The following TGFBI variants were observed in gnomAD, a reference collection of about 807,000 sequenced individuals.
The protein encoded by TGFBI is transforming growth factor-beta-induced protein ig-h3.
Under a neutral mutation model 73.7 loss-of-function variants are expected in TGFBI, and 50 were observed. The ratio of observed to expected loss-of-function variants is 0.68; its 90% confidence interval spans 0.54 to 0.86. The LOEUF (loss-of-function observed/expected upper bound fraction) is 0.86. Ranked by LOEUF, TGFBI falls within the 40% of genes least tolerant of loss-of-function variation. TGFBI has a pLI of 0.00. For missense variants in TGFBI, 839 were observed against 877.0 expected (o/e 0.96, Z 0.55); for synonymous variants, 362 against 360.5 (o/e 1.00, Z -0.05).
intron 3 of TGFBI, 37 bp from the exon 4 acceptor site, chr5:136,046,298 C>A (rs1317334545): frequency 6.2e-7 from 1 of 1,612,674 alleles, no homozygotes; most frequent in African/African-American, 1.3e-5. Context: ...GCTGGACCCC[C>A]AGAGGCCATC....
At chr5:136,029,312 G>A in intron 1 of TGFBI, 123 bp downstream of exon 1, 1 of 1,168,844 alleles carries the variant, frequency 8.6e-7, no homozygotes, top group South Asian at 1.9e-5. Context: ...TAAAAACCTT[G>A]CAGCATGGAG....
chr5:136,037,162 C>G (rs45595937), intron 2 of TGFBI, among the ~76,000 whole-genome samples: 1,716 of 152,350 alleles, frequency 0.011, 22 homozygotes, highest in Middle Eastern at 0.024. Flanking sequence ...TGCAATGCGT[C>G]AAGCTGACAT....
rs533509858 is a variant in TGFBI, at chr5:136,047,310, G to A, written c.661G>A (p.Asp221Asn). The change falls in exon 6 of 17, where the codon GAC (aspartate) becomes AAC (asparagine). Residue 221 changes from aspartate to asparagine, a missense_variant. Physicochemically the swap from Asp to Asn is conservative, Grantham distance 23. Transcript: ENST00000442011. ...TVNCARLLKA[D>N]HHATNGVVHL... ...GAACTGTGCCCGGCTGCTGAAAGCC[G>A]ACCACCATGCAACCAACGGGGTGGT... The A allele has an allele frequency of 1.9e-5, 30 of 1,613,790 alleles. No individual in the cohort carries two copies. The highest frequency in any genetic ancestry group is 1.7e-4 in the Admixed American group (10 of 60,020).
intron 12 of TGFBI, among the ~76,000 whole-genome samples, chr5:136,057,741 A>G (rs900121438): frequency 7.9e-5 from 12 of 152,160 alleles, no homozygotes; most frequent in Non-Finnish European, 1.3e-4. Context: ...TCTAGAGCAG[A>G]ATAGAAAGTT....
chr5:136,053,232 C>A, intron 8 of TGFBI, 113 bp downstream of exon 8: 1 of 968,004 alleles, frequency 1.0e-6, no homozygotes, highest in Non-Finnish European at 1.6e-6. Flanking sequence ...CCTGCCTGGA[C>A]CCAGCTCACA....
chr5:136,033,737 C>G, intron 1 of TGFBI, 26 bp from the exon 2 acceptor site: 1 of 1,606,044 alleles, frequency 6.2e-7, no homozygotes, highest in East Asian at 2.2e-5. Context: ...TGATCATCTT[C>G]CTAATTCTGC....
chr5:136,052,248 C>G (rs1372886732), intron 7 of TGFBI, among the ~76,000 whole-genome samples: 1 of 152,260 alleles, frequency 6.6e-6, no homozygotes, highest in African/African-American at 2.4e-5. Flanking sequence ...ATTATACTTA[C>G]TATTTATGGG....
At chr5:136,032,069 G>GGAGTAT (rs1751130508) in intron 1 of TGFBI, among the ~76,000 whole-genome samples, 1 of 152,172 alleles carries the variant, frequency 6.6e-6, no homozygotes. Flanking sequence ...AAATAGGACC[G>GGAGTAT]GGGGCTGGAG....
chr5:136,032,206 G>A (rs965968712), intron 1 of TGFBI, among the ~76,000 whole-genome samples: 1 of 152,188 alleles, frequency 6.6e-6, no homozygotes, highest in Admixed American at 6.5e-5. Context: ...GACTAGGGAG[G>A]CATGGGCCTC....
At chr5:136,041,487 C>T (rs1159942513) in intron 2 of TGFBI, among the ~76,000 whole-genome samples, 2 of 152,204 alleles carry the variant, frequency 1.3e-5, no homozygotes, top group African/African-American at 4.8e-5. Flanking sequence ...TTCTAGATGT[C>T]AGACTTTCCA....
At position 136,063,218 on chromosome 5, in the gene TGFBI, A is replaced by G; in HGVS notation, c.2044A>G (p.Lys682Glu). 2.5e-6 allele frequency: 4 copies of G among 1,613,784 alleles called. No homozygotes were observed. Among genetic ancestry groups the G allele is most frequent in the Non-Finnish European group, 3.4e-6 (4 of 1,179,732 alleles). Residue 682 changes from lysine to glutamate, a missense_variant, in exon 17 of 17, where the codon AAG becomes GAG. Coordinates refer to ENST00000442011, the MANE Select transcript of TGFBI (RefSeq NM_000358.3). ...CTATCAAAAGTTATTAGAGAGGATG[A>G]AGCATTAGCTTGAAGCACTACAGGA... The part of the protein sequence containing the change: ...PVYQKLLERM[K>E]H
At chr5:136,061,396 A>G (rs1751744683) in intron 14 of TGFBI, 104 bp from the exon 15 acceptor site, 1 of 818,882 alleles carries the variant, frequency 1.2e-6, no homozygotes, top group Non-Finnish European at 2.1e-6. Flanking sequence ...ATGTCTTTGG[A>G]AATGTGAGCC....
intron 10 of TGFBI, 39 bp from the exon 11 acceptor site, chr5:136,055,641 A>G: frequency 6.5e-7 from 1 of 1,534,512 alleles, no homozygotes; most frequent in Non-Finnish European, 8.8e-7. Flanking sequence ...TCGTGGAAGT[A>G]TAACCAGTCC....
Position 136,053,985 on chromosome 5 carries a change from C to A in TGFBI, c.1169C>A (p.Thr390Lys). 2 of 1,614,078 alleles carry A rather than the reference C, an allele frequency of 1.2e-6. No individual in the cohort carries two copies. Among genetic ancestry groups the A allele is most frequent in the East Asian group, 2.2e-5 (1 of 44,890 alleles). Reference sequence around the variant, plus strand: ...TTGGCTGCAGAGTCTGATGTGTCCACAGCCATTGACCTTTTCAGACAAGCC... The same window carrying A: ...TTGGCTGCAGAGTCTGATGTGTCCAAAGCCATTGACCTTTTCAGACAAGCC... The part of the protein sequence containing the change: ...FELAAESDVS[T>K]AIDLFRQAGL... The change falls in exon 9 of 17, where the codon ACA (threonine) becomes AAA (lysine). Residue 390 changes from threonine to lysine, a missense_variant. By Grantham distance (78) the Thr-to-Lys change is moderately conservative (BLOSUM62 -1). Coordinates refer to ENST00000442011, the MANE Select transcript of TGFBI (RefSeq NM_000358.3).
intron 12 of TGFBI, among the ~76,000 whole-genome samples, chr5:136,057,261 A>G (rs1751664044): frequency 6.6e-6 from 1 of 152,196 alleles, no homozygotes; most frequent in Non-Finnish European, 1.5e-5. Flanking sequence ...GAGGAGTAGA[A>G]AAGAATTAAG....
At chr5:136,056,441 T>G in intron 11 of TGFBI, 1 of 543,190 alleles carries the variant, frequency 1.8e-6, no homozygotes, top group Non-Finnish European at 3.3e-6. Context: ...CGTCTGGCCA[T>G]TTAACAGAGC....
chr5:136,033,000 G>A (rs1051992097), intron 1 of TGFBI, among the ~76,000 whole-genome samples: 2 of 152,110 alleles, frequency 1.3e-5, no homozygotes, highest in South Asian at 2.1e-4. Flanking sequence ...TTTTCAACAA[G>A]TTCATTTCGT....
rs200535601 is a variant in TGFBI, at chr5:136,049,468, G to A, written c.801G>A (p.Thr267=). ...CTGTGGCTGCATCAGGGCTCAACAC[G>A]ATGCTTGAAGGTAACGGCCAGTACA... ...RAAVAASGLN[T]MLEGNGQYTL... is the part of the protein sequence containing the mutation. Residue 267 remains threonine, a synonymous_variant, in exon 7 of 17, where the codon ACG becomes ACA. Coordinates refer to ENST00000442011, the MANE Select transcript of TGFBI (RefSeq NM_000358.3). 63 of 1,613,964 alleles carry A rather than the reference G, an allele frequency of 3.9e-5. No homozygotes were observed. In the African/African-American group the frequency reaches 4.7e-4, roughly 12 times the overall value.
intron 3 of TGFBI, 162 bp from the exon 4 acceptor site, chr5:136,046,173 A>G (rs1751422475): frequency 4.3e-6 from 3 of 703,476 alleles, no homozygotes; most frequent in Admixed American, 6.0e-5. Flanking sequence ...GAAGACTATA[A>G]CAAGCCTTAA....
Sources: allele counts gnomAD v4.1 joint callset (sites outside exome capture counted in the v4.1 genomes callset), GRCh38; gene constraint gnomAD v4.1.1; transcripts MANE v1.5; gene names NCBI Gene and HGNC (gene_info 2026-07-23, HGNC 2026-07-21).